ZBTB20: variants seen among roughly 807,000 people sequenced by gnomAD.
The protein encoded by ZBTB20 is zinc finger and BTB domain-containing protein 20.
ZBTB20 carries 9 observed loss-of-function variants against 56.9 expected under a neutral mutation model. That is an observed-to-expected ratio of 0.16 (90% CI 0.10 to 0.28). The LOEUF (loss-of-function observed/expected upper bound fraction) is 0.28, where lower values mean the gene tolerates loss of function less well. Ranked by LOEUF, ZBTB20 falls within the 10% of genes least tolerant of loss-of-function variation. The probability of loss-of-function intolerance (pLI) is 1.00; values close to 1 mark genes in which losing one functional copy is unlikely to be tolerated. For synonymous variants in ZBTB20, 417 were observed against 420.7 expected, an observed-to-expected ratio of 0.99 and a Z score of 0.11; for missense variants, 655 against 1,003.0, an observed-to-expected ratio of 0.65 and a Z score of 4.69.
intron 3 of ZBTB20, among the ~76,000 whole-genome samples, chr3:114,937,163 T>A (rs573400053): frequency 1.8e-4 from 28 of 152,308 alleles, no homozygotes; most frequent in Non-Finnish European, 3.5e-4. Flanking sequence ...AAATGGTAGT[T>A]CTGGTTCTAG....
At chr3:115,063,927 A>T (rs1386920028) in intron 2 of ZBTB20, among the ~76,000 whole-genome samples, 2 of 152,130 alleles carry the variant, frequency 1.3e-5, no homozygotes, top group African/African-American at 4.8e-5. Context: ...CCTTCCAGTA[A>T]TCAGTGAAGT....
At chr3:114,477,507 T>C (rs2040930657) in intron 7 of ZBTB20, among the ~76,000 whole-genome samples, 1 of 149,552 alleles carries the variant, frequency 6.7e-6, no homozygotes, top group Non-Finnish European at 1.5e-5. Flanking sequence ...TTTTTTTTTT[T>C]TTTTTGAGAT....
intron 5 of ZBTB20, among the ~76,000 whole-genome samples, chr3:114,773,199 T>A (rs2069344086): frequency 1.3e-5 from 2 of 152,172 alleles, no homozygotes; most frequent in Non-Finnish European, 2.9e-5. Context: ...ACACCTTGAT[T>A]TTGGCCTTGT....
intron 6 of ZBTB20, among the ~76,000 whole-genome samples, chr3:114,619,988 A>G (rs1310582379): frequency 1.3e-5 from 2 of 152,214 alleles, no homozygotes; most frequent in Non-Finnish European, 2.9e-5. Context: ...AGTATTGACA[A>G]GCTGGAGGGA....
intron 6 of ZBTB20, among the ~76,000 whole-genome samples, chr3:114,594,687 AGG>A (rs1042206030): frequency 6.6e-6 from 1 of 152,204 alleles, no homozygotes; most frequent in African/African-American, 2.4e-5. Flanking sequence ...CAGCAAAAAG[AGG>A]GTAAGGTCTT....
intron 7 of ZBTB20, among the ~76,000 whole-genome samples, chr3:114,411,278 C>T (rs2108768638): frequency 6.6e-6 from 1 of 152,286 alleles, no homozygotes; most frequent in South Asian, 2.1e-4. Flanking sequence ...TTCTTACAAG[C>T]CATTCCACAG....
chr3:114,777,376 T>C (rs1407802466), intron 5 of ZBTB20, among the ~76,000 whole-genome samples: 1 of 152,020 alleles, frequency 6.6e-6, no homozygotes, highest in Non-Finnish European at 1.5e-5. Flanking sequence ...TGGTGGTGCA[T>C]GCCTGTAATC....
At chr3:114,859,433 C>A (rs1021969828) in intron 4 of ZBTB20, among the ~76,000 whole-genome samples, 8 of 151,402 alleles carry the variant, frequency 5.3e-5, no homozygotes, top group African/African-American at 1.2e-4. Context: ...TAGTTTCTCT[C>A]TTCTTTCCTT....
chr3:115,092,819 A>C (rs1349309403), intron 1 of ZBTB20, among the ~76,000 whole-genome samples: 1 of 152,150 alleles, frequency 6.6e-6, no homozygotes. Flanking sequence ...AACAGACTCA[A>C]TAATACATTA....
intron 7 of ZBTB20, among the ~76,000 whole-genome samples, chr3:114,457,349 G>A (rs939127246): frequency 5.3e-5 from 8 of 152,180 alleles, no homozygotes; most frequent in East Asian, 1.9e-4. Context: ...GTCATTACAC[G>A]GTAGTTATTA....
chr3:114,627,623 T>G (rs1182205770), intron 6 of ZBTB20, among the ~76,000 whole-genome samples: 2 of 152,166 alleles, frequency 1.3e-5, no homozygotes, highest in African/African-American at 4.8e-5. Context: ...GACTTGTACA[T>G]GGAGAATTCA....
chr3:114,904,793 T>G (rs2075260399), intron 3 of ZBTB20, among the ~76,000 whole-genome samples: 1 of 151,920 alleles, frequency 6.6e-6, no homozygotes, highest in East Asian at 1.9e-4. Flanking sequence ...AGCACAGTTA[T>G]CTATTAATCA....
intron 7 of ZBTB20, among the ~76,000 whole-genome samples, chr3:114,445,878 T>C (rs1434294601): frequency 6.6e-6 from 1 of 152,170 alleles, no homozygotes; most frequent in East Asian, 1.9e-4. Flanking sequence ...TAAAGAAATA[T>C]TAAATCTGTT....
At chr3:114,664,654 G>GT (rs1193336984) in intron 6 of ZBTB20, among the ~76,000 whole-genome samples, 2 of 151,770 alleles carry the variant, frequency 1.3e-5, no homozygotes, top group Non-Finnish European at 2.9e-5. Context: ...GATATCTACT[G>GT]TGGTAAGTTT....
intron 4 of ZBTB20, among the ~76,000 whole-genome samples, chr3:114,868,612 T>G (rs1466408454): frequency 6.6e-6 from 1 of 152,194 alleles, no homozygotes. Context: ...TAAAAATGCT[T>G]AAATATACAA....
intron 6 of ZBTB20, among the ~76,000 whole-genome samples, chr3:114,657,905 C>T (rs988343055): frequency 1.3e-5 from 2 of 152,048 alleles, no homozygotes; most frequent in African/African-American, 4.8e-5. Flanking sequence ...GTACAAGTTA[C>T]TCCTTTATTA....
At chr3:114,547,649 C>T (rs139328046) in intron 6 of ZBTB20, among the ~76,000 whole-genome samples, 184 of 152,254 alleles carry the variant, frequency 1.2e-3, no homozygotes, top group African/African-American at 4.3e-3. Context: ...TTACTATAGG[C>T]ACACAGATTT....
chr3:114,890,991 C>T lies in ZBTB20; in HGVS notation c.-417+9313G>A, dbSNP rs535374406. ...TATGTCCTATGCTTCATGTTTTTTT[C>T]AAGGCCCAGCTTAAGTTCAGCCTCT... On this transcript the variant is annotated intron_variant, in intron 4 of 11. Transcript: ENST00000675478. 2.4e-4 allele frequency among the ~76,000 whole-genome samples: 37 copies of T among 152,110 alleles called. No homozygotes were observed. In the South Asian group the frequency reaches 7.7e-3, roughly 32 times the overall value.
chr3:114,721,838 T>C (rs2064938126), intron 5 of ZBTB20, among the ~76,000 whole-genome samples: 1 of 152,202 alleles, frequency 6.6e-6, no homozygotes, highest in Non-Finnish European at 1.5e-5. Context: ...ATTTTTGGGT[T>C]ATATTATGAA....
Sources: allele counts gnomAD v4.1 joint callset (sites outside exome capture counted in the v4.1 genomes callset), GRCh38; gene constraint gnomAD v4.1.1; transcripts MANE v1.5; gene names NCBI Gene and HGNC (gene_info 2026-07-23, HGNC 2026-07-21).